Variants in KCNIP4 observed in about 807,000 individuals in gnomAD.
KCNIP4 encodes potassium voltage-gated channel interacting protein 4, also known as Kv channel-interacting protein 4.
KCNIP4 carries 12 observed loss-of-function variants against 34.0 expected under a neutral mutation model. The ratio of observed to expected loss-of-function variants is 0.35; its 90% confidence interval spans 0.23 to 0.57. KCNIP4 has a LOEUF of 0.57. Among genes scored for constraint, KCNIP4 ranks in the 20% least tolerant of loss-of-function variants. The probability of loss-of-function intolerance (pLI) is 0.83; values close to 1 mark genes in which losing one functional copy is unlikely to be tolerated. For synonymous variants in KCNIP4, 124 were observed against 102.2 expected (o/e 1.21, Z -1.29); for missense variants, 238 against 311.7 (o/e 0.76, Z 1.78).
chr4:21,262,181 C>T (rs1487455658), intron 1 of KCNIP4, among the ~76,000 whole-genome samples: 1 of 152,108 alleles, frequency 6.6e-6, no homozygotes, highest in Non-Finnish European at 1.5e-5. Flanking sequence ...CCCCTTTCTA[C>T]ACAAGAGTGG....
chr4:20,946,493 A>C (rs563641325), intron 1 of KCNIP4, among the ~76,000 whole-genome samples: 51 of 152,288 alleles, frequency 3.3e-4, no homozygotes, highest in Non-Finnish European at 2.2e-4. Flanking sequence ...ACACTTAGGA[A>C]TGCGGACACC....
At chr4:21,020,846 G>T (rs182693808) in intron 1 of KCNIP4, among the ~76,000 whole-genome samples, 1 of 152,160 alleles carries the variant, frequency 6.6e-6, no homozygotes, top group Non-Finnish European at 1.5e-5. Flanking sequence ...CCAAGGAGAA[G>T]TTGGGAGGAA....
At chr4:21,490,491 C>T (rs947887111) in intron 1 of KCNIP4, among the ~76,000 whole-genome samples, 3 of 151,870 alleles carry the variant, frequency 2.0e-5, no homozygotes, top group African/African-American at 7.3e-5. Context: ...GGTAGTAAGG[C>T]TGAAGGAAAA....
At chr4:20,902,630 T>C (rs1577340580) in intron 1 of KCNIP4, among the ~76,000 whole-genome samples, 1 of 152,068 alleles carries the variant, frequency 6.6e-6, no homozygotes, top group African/African-American at 2.4e-5. Context: ...CGTGATTCTC[T>C]TGCCCCAGCC....
intron 1 of KCNIP4, among the ~76,000 whole-genome samples, chr4:21,183,518 G>A (rs1200410936): frequency 6.7e-6 from 1 of 149,208 alleles, no homozygotes; most frequent in African/African-American, 2.5e-5. Context: ...CTGTTGCCCA[G>A]GATGAAGTGC....
At chr4:21,403,149 CTT>C (rs2109560101) in intron 1 of KCNIP4, among the ~76,000 whole-genome samples, 1 of 152,286 alleles carries the variant, frequency 6.6e-6, no homozygotes, top group African/African-American at 2.4e-5. Context: ...GTAAGATACT[CTT>C]GACAAAGCTT....
At chr4:21,020,494 C>A (rs1459394970) in intron 1 of KCNIP4, among the ~76,000 whole-genome samples, 1 of 152,122 alleles carries the variant, frequency 6.6e-6, no homozygotes, top group Non-Finnish European at 1.5e-5. Context: ...TAGGTAAACA[C>A]CCTCTGCACC....
intron 1 of KCNIP4, among the ~76,000 whole-genome samples, chr4:21,923,273 A>G (rs1729037604): frequency 6.6e-6 from 1 of 151,922 alleles, no homozygotes; most frequent in South Asian, 2.1e-4. Context: ...CAACCCAACT[A>G]CCCATTTAAA....
At chr4:21,189,606 T>C (rs1427594555) in intron 1 of KCNIP4, among the ~76,000 whole-genome samples, 1 of 152,170 alleles carries the variant, frequency 6.6e-6, no homozygotes, top group African/African-American at 2.4e-5. Flanking sequence ...ATCTGATAGG[T>C]GTGTAGGGAA....
Position 21,213,450 on chromosome 4 carries a change from C to T in KCNIP4, c.62-330741G>A, listed in dbSNP as rs181551141. ...CCAAGTAGCTGGGATTACAGACGCA[C>T]ACCACCATGCCCAGCTAATTTTTGT... On this transcript the variant is annotated intron_variant, in intron 1 of 8. Transcript: ENST00000382152. 3.3e-3 allele frequency among the ~76,000 whole-genome samples: 498 copies of T among 152,058 alleles called. 3 individuals are homozygous for T. The highest frequency in any genetic ancestry group is 0.011 in the African/African-American group (474 of 41,492).
intron 1 of KCNIP4, among the ~76,000 whole-genome samples, chr4:20,927,205 T>TTGAACTCG (rs1729992874): frequency 6.6e-6 from 1 of 152,096 alleles, no homozygotes; most frequent in Admixed American, 6.6e-5. Flanking sequence ...TCTTGAACTC[T>TTGAACTCG]TGAACTCGTG....
chr4:21,240,118 G>A (rs1252832476), intron 1 of KCNIP4, among the ~76,000 whole-genome samples: 10 of 149,544 alleles, frequency 6.7e-5, no homozygotes, highest in African/African-American at 1.5e-4. Flanking sequence ...GCAAACTATC[G>A]CAAAGACAAA....
At chr4:21,360,454 T>A (rs1719095826) in intron 1 of KCNIP4, among the ~76,000 whole-genome samples, 1 of 152,104 alleles carries the variant, frequency 6.6e-6, no homozygotes, top group Non-Finnish European at 1.5e-5. Flanking sequence ...TGGTCTTTAG[T>A]TTCTTGAAGT....
chr4:21,720,460 CTTTA>C (rs1305207661), intron 1 of KCNIP4, among the ~76,000 whole-genome samples: 3 of 150,092 alleles, frequency 2.0e-5, no homozygotes, highest in Admixed American at 6.6e-5. Flanking sequence ...GTTTTATTTT[CTTTA>C]TTTGTTTTAC....
At chr4:21,106,959 G>C (rs1048420216) in intron 1 of KCNIP4, among the ~76,000 whole-genome samples, 2 of 150,774 alleles carry the variant, frequency 1.3e-5, no homozygotes, top group African/African-American at 5.0e-5. Context: ...TGTGGTCTGA[G>C]AGACAGTTTG....
chr4:21,487,653 G>T (rs531955775), intron 1 of KCNIP4, among the ~76,000 whole-genome samples: 2 of 152,144 alleles, frequency 1.3e-5, no homozygotes, highest in Admixed American at 6.5e-5. Flanking sequence ...GAAATTATTC[G>T]GAATTCTTCT....
intron 1 of KCNIP4, among the ~76,000 whole-genome samples, chr4:21,733,987 T>A (rs1254182444): frequency 5.9e-5 from 9 of 152,196 alleles, no homozygotes; most frequent in Admixed American, 5.2e-4. Context: ...CAGAAATATA[T>A]GACTTAAGTA....
rs115173690 is a variant in KCNIP4 at position 21,113,070 on chromosome 4, T to A, written c.62-230361A>T. Among the ~76,000 whole-genome samples, 405 of 152,320 alleles carry A rather than the reference T, an allele frequency of 2.7e-3. 7 individuals are homozygous for A. The highest frequency in any genetic ancestry group is 9.2e-3 in the African/African-American group (384 of 41,574). On this transcript the variant is annotated intron_variant, in intron 1 of 8. Coordinates refer to ENST00000382152, the MANE Select transcript of KCNIP4 (RefSeq NM_025221.6). ...CATAAATATAAGATTTTTGATACAT[T>A]TGACAATTCCTATTCTGCTGAGTCC...
At chr4:21,886,032 AT>A (rs1726745407) in intron 1 of KCNIP4, among the ~76,000 whole-genome samples, 1 of 152,048 alleles carries the variant, frequency 6.6e-6, no homozygotes, top group Non-Finnish European at 1.5e-5. Context: ...CTTGTGGATT[AT>A]TTTTTCTTAC....
Sources: allele counts gnomAD v4.1 joint callset (sites outside exome capture counted in the v4.1 genomes callset), GRCh38; gene constraint gnomAD v4.1.1; transcripts MANE v1.5; gene names NCBI Gene and HGNC (gene_info 2026-07-23, HGNC 2026-07-21).